Variants in RBFOX1 observed in about 807,000 individuals in gnomAD.
RBFOX1 encodes the protein RNA binding fox-1 homolog 1.
RBFOX1 carries 8 observed loss-of-function variants against 57.7 expected under a neutral mutation model. The ratio of observed to expected loss-of-function variants is 0.14; its 90% CI spans 0.08 to 0.25. RBFOX1 has a LOEUF of 0.25. Among genes scored for constraint, RBFOX1 ranks in the 10% least tolerant of loss-of-function variants. The probability of loss-of-function intolerance (pLI) is 1.00; values close to 1 mark genes in which losing one functional copy is unlikely to be tolerated. For missense variants in RBFOX1, 611 were observed against 548.5 expected, an observed-to-expected ratio of 1.11 and a Z score of -1.14; for synonymous variants, 326 against 222.4, an observed-to-expected ratio of 1.47 and a Z score of -4.15.
intron 1 of RBFOX1, among the ~76,000 whole-genome samples, chr16:6,247,680 A>T (rs2097576738): frequency 6.6e-6 from 1 of 152,226 alleles, no homozygotes; most frequent in South Asian, 2.1e-4. Flanking sequence ...AAGCAAAGAT[A>T]CTTGCCAAAG....
chr16:7,674,574 A>T (rs1244436638), intron 13 of RBFOX1, among the ~76,000 whole-genome samples: 1 of 152,172 alleles, frequency 6.6e-6, no homozygotes, highest in Non-Finnish European at 1.5e-5. Flanking sequence ...TTTCTAGATA[A>T]TAAAGTCATA....
chr16:5,706,136 C>G (rs903288716), intron 3 of RBFOX1, among the ~76,000 whole-genome samples: 5 of 152,208 alleles, frequency 3.3e-5, no homozygotes, highest in Non-Finnish European at 5.9e-5. Flanking sequence ...GTCTTGAACT[C>G]CTGACCTCAA....
intron 2 of RBFOX1, among the ~76,000 whole-genome samples, chr16:5,509,735 C>T (rs1489504986): frequency 1.3e-5 from 2 of 152,040 alleles, no homozygotes; most frequent in Non-Finnish European, 1.5e-5. Context: ...TTGGGCCAGG[C>T]GTGGACGTTA....
At chr16:7,106,073 A>G (rs1193910292) in intron 4 of RBFOX1, among the ~76,000 whole-genome samples, 1 of 152,104 alleles carries the variant, frequency 6.6e-6, no homozygotes, top group Non-Finnish European at 1.5e-5. Flanking sequence ...ACTATTCAGT[A>G]CCCCCACCTC....
At chr16:5,703,065 T>C (rs1289058137) in intron 3 of RBFOX1, among the ~76,000 whole-genome samples, 1 of 152,190 alleles carries the variant, frequency 6.6e-6, no homozygotes, top group African/African-American at 2.4e-5. Context: ...GAGTTGATGG[T>C]AGGCACTAAG....
At chr16:7,050,467 TA>T (rs2049656282) in intron 3 of RBFOX1, among the ~76,000 whole-genome samples, 1 of 152,076 alleles carries the variant, frequency 6.6e-6, no homozygotes, top group Non-Finnish European at 1.5e-5. Flanking sequence ...GGTTTCACCA[TA>T]TTGGCCAGGT....
At chr16:5,641,361 A>G (rs1391004725) in intron 3 of RBFOX1, among the ~76,000 whole-genome samples, 1 of 152,256 alleles carries the variant, frequency 6.6e-6, no homozygotes, top group African/African-American at 2.4e-5. Context: ...ATTATGCAAT[A>G]AACTACATAC....
At position 6,819,731 on chromosome 16, in the gene RBFOX1, AT is replaced by A. The variant is rs369361613; in HGVS notation, c.-16+165082del. On this transcript the variant is annotated intron_variant, in intron 3 of 15. Transcript: ENST00000550418. ...AAAAAAAAAAAAAAAAAAAAAAAAA[AT>A]AACAACACCAAAAGGTATATAGTAT... is the stretch of plus-strand genomic sequence containing the variant. Among the ~76,000 whole-genome samples, 591 of 82,572 alleles carry A rather than the reference AT, an allele frequency of 7.2e-3. 85 individuals carry two copies. The highest frequency in any genetic ancestry group is 0.011 in the African/African-American group (249 of 21,804). The allele number at this position is 82,572 out of a possible 152,430, so 54.2% of individuals were successfully genotyped here. A position where few individuals can be genotyped will look rare whatever the true frequency, so the allele number is the denominator to read the frequency against.
intron 1 of RBFOX1, among the ~76,000 whole-genome samples, chr16:6,042,452 G>T (rs563816467): frequency 1.0e-3 from 153 of 152,254 alleles, no homozygotes; most frequent in Non-Finnish European, 1.8e-3. Context: ...TATCCAGATA[G>T]TTCGGAATCA....
intron 4 of RBFOX1, among the ~76,000 whole-genome samples, chr16:7,495,481 A>G (rs1342629404): frequency 6.6e-6 from 1 of 152,058 alleles, no homozygotes; most frequent in Non-Finnish European, 1.5e-5. Context: ...ACCAGCATCT[A>G]TTGTTTTTTG....
At chr16:6,060,769 A>C (rs192808719) in intron 1 of RBFOX1, among the ~76,000 whole-genome samples, 2 of 152,342 alleles carry the variant, frequency 1.3e-5, no homozygotes, top group East Asian at 3.9e-4. Flanking sequence ...AAGAGGAGGA[A>C]GTTCACACAG....
intron 2 of RBFOX1, among the ~76,000 whole-genome samples, chr16:6,623,383 T>C (rs2098261117): frequency 6.6e-6 from 1 of 152,044 alleles, no homozygotes; most frequent in African/African-American, 2.4e-5. Context: ...AGTGTTCTGA[T>C]TGTCACTTTC....
intron 3 of RBFOX1, among the ~76,000 whole-genome samples, chr16:5,673,964 A>C (rs540656736): frequency 6.6e-6 from 1 of 152,250 alleles, no homozygotes; most frequent in Non-Finnish European, 1.5e-5. Flanking sequence ...GTCTTGATGC[A>C]TCCAGGGGAG....
At chr16:7,080,946 A>G (rs938614574) in intron 4 of RBFOX1, among the ~76,000 whole-genome samples, 2 of 152,140 alleles carry the variant, frequency 1.3e-5, no homozygotes, top group African/African-American at 4.8e-5. Context: ...CACAGATAGC[A>G]CCTTTAGTAA....
chr16:6,567,311 CAGAG>C (rs1401705191), intron 2 of RBFOX1, among the ~76,000 whole-genome samples: 1 of 152,160 alleles, frequency 6.6e-6, no homozygotes, highest in African/African-American at 2.4e-5. Context: ...GTCCTGAACA[CAGAG>C]AGATGGGGAA....
At chr16:5,387,922 A>G (rs1446799435) in intron 1 of RBFOX1, among the ~76,000 whole-genome samples, 2 of 152,060 alleles carry the variant, frequency 1.3e-5, no homozygotes, top group East Asian at 1.9e-4. Context: ...GAGCGATCTC[A>G]TGGGAGAGAA....
chr16:7,106,404 T>C (rs1325353998), intron 4 of RBFOX1, among the ~76,000 whole-genome samples: 1 of 152,184 alleles, frequency 6.6e-6, no homozygotes, highest in Non-Finnish European at 1.5e-5. Context: ...AGCTCTTTAT[T>C]CTTCATTTTG....
intron 3 of RBFOX1, among the ~76,000 whole-genome samples, chr16:6,959,028 T>C (rs1051801668): frequency 6.6e-6 from 1 of 152,180 alleles, no homozygotes; most frequent in Non-Finnish European, 1.5e-5. Flanking sequence ...TGGACAGTCA[T>C]TTTTCAGAAT....
intron 4 of RBFOX1, among the ~76,000 whole-genome samples, chr16:7,187,652 G>A (rs1484715345): frequency 8.1e-6 from 1 of 123,546 alleles, no homozygotes; most frequent in Non-Finnish European, 1.6e-5. Flanking sequence ...TCGTGCCACT[G>A]CAGTCCAGCC....
Sources: gnomAD v4.1 joint callset for allele counts (sites outside exome capture counted in the v4.1 genomes callset) on GRCh38, gnomAD v4.1.1 for gene constraint, MANE v1.5 for transcripts, NCBI Gene and HGNC (gene_info 2026-07-23, HGNC 2026-07-21) for gene names.